Variants in RNF150 observed in about 807,000 individuals in gnomAD.
RNF150 encodes ring finger protein 150.
A neutral mutation model predicts 39.3 loss-of-function variants in RNF150; 24 were observed. The ratio of observed to expected loss-of-function variants is 0.61; its 90% CI spans 0.44 to 0.86. The LOEUF (loss-of-function observed/expected upper bound fraction) is 0.86, where lower values mean the gene tolerates loss of function less well. Ranked by LOEUF, RNF150 falls within the 40% of genes least tolerant of loss-of-function variation. The pLI is 0.00. For synonymous variants in RNF150, 255 were observed against 227.3 expected (o/e 1.12, Z -1.10); for missense variants, 502 against 587.8 (o/e 0.85, Z 1.51).
chr4:141,057,116 T>C (rs980419053), intron 1 of RNF150, among the ~76,000 whole-genome samples: 1 of 152,066 alleles, frequency 6.6e-6, no homozygotes, highest in Non-Finnish European at 1.5e-5. Flanking sequence ...AAGCATAAAC[T>C]GGTGTACCAT....
At chr4:140,962,480 T>TCACA (rs564271304) in intron 2 of RNF150, among the ~76,000 whole-genome samples, 1 of 147,688 alleles carries the variant, frequency 6.8e-6, no homozygotes. Flanking sequence ...TATGTATATC[T>TCACA]CACACACACA....
chr4:141,021,218 G>T (rs1369587077), intron 1 of RNF150, among the ~76,000 whole-genome samples: 1 of 152,102 alleles, frequency 6.6e-6, no homozygotes, highest in Non-Finnish European at 1.5e-5. Flanking sequence ...TCAAGCAGGG[G>T]ATTCTGGCTA....
Position 141,000,707 on chromosome 4 carries a change from G to A in RNF150, c.485-32834C>T, listed in dbSNP as rs1734632525. Among the ~76,000 whole-genome samples, 4 of 152,158 alleles carry A rather than the reference G, an allele frequency of 2.6e-5. No individual in the cohort carries two copies. In the South Asian group the frequency reaches 6.2e-4, roughly 24 times the overall value. On this transcript the variant is annotated intron_variant, in intron 1 of 6. Transcript: ENST00000515673. ...ACTTAGGTCAAAGCAGAGGTAATGG[G>A]ATTCGTTATAAATGTGTCTCCTCAC...
At chr4:141,041,420 A>C (rs1736368210) in intron 1 of RNF150, among the ~76,000 whole-genome samples, 1 of 152,142 alleles carries the variant, frequency 6.6e-6, no homozygotes, top group Non-Finnish European at 1.5e-5. Flanking sequence ...ACAACCATCC[A>C]TGAAAACAAA....
At chr4:141,190,330 T>C (rs1216618866) in intron 1 of RNF150, among the ~76,000 whole-genome samples, 1 of 152,212 alleles carries the variant, frequency 6.6e-6, no homozygotes, top group African/African-American at 2.4e-5. Context: ...GGAGATTATC[T>C]GGGTGAGTCT....
At position 141,132,225 on chromosome 4, in the gene RNF150, G is replaced by T; in HGVS notation, c.484+100C>A. The T allele has an allele frequency of 2.4e-6, 3 of 1,275,494 alleles. No homozygotes were observed. Among genetic ancestry groups the T allele is most frequent in the Non-Finnish European group, 3.3e-6 (3 of 922,660 alleles). The allele number at this position is 1,275,494 out of a possible 1,614,324, so 79.0% of individuals were successfully genotyped here. On this transcript the variant is annotated intron_variant, in intron 1 of 6. Coordinates refer to ENST00000515673, the MANE Select transcript of RNF150 (RefSeq NM_020724.2). The surrounding 1 kb of genome is among the most constrained non-coding windows in gnomAD (Gnocchi z 4.9). Reference sequence around the variant, plus strand: ...GGAACCCAGACACGTCTTCCGCGCCGCACGGACTTCCCAGAAGGAGCCTGG... The same window carrying T: ...GGAACCCAGACACGTCTTCCGCGCCTCACGGACTTCCCAGAAGGAGCCTGG...
Position 141,159,950 on chromosome 4 carries a change from T to G in RNF150, c.-6+52844A>C, listed in dbSNP as rs1386654560. ...AACTCCCTACTTTTGTCTGTTACAA[T>G]TCGCAACAATTGTGATAATTTTGCA... On this transcript the variant is annotated intron_variant, in intron 1 of 7. Transcript: ENST00000420921. Among the ~76,000 whole-genome samples the G allele has an allele frequency of 2.6e-5, 4 of 152,110 alleles. No homozygotes were observed. The South Asian group carries it at 8.3e-4, about 32-fold the overall frequency.
intron 1 of RNF150, among the ~76,000 whole-genome samples, chr4:141,073,360 G>T (rs1466591608): frequency 6.6e-6 from 1 of 152,070 alleles, no homozygotes; most frequent in Non-Finnish European, 1.5e-5. Context: ...CAAAACAAAG[G>T]TTTCAGCACA....
intron 4 of RNF150, among the ~76,000 whole-genome samples, chr4:140,936,798 C>T (rs1019075385): frequency 2.0e-5 from 3 of 152,064 alleles, no homozygotes; most frequent in Non-Finnish European, 4.4e-5. Flanking sequence ...AAACATCTTA[C>T]AATCAATGAC....
chr4:141,104,166 T>C (rs1739117323), intron 1 of RNF150, among the ~76,000 whole-genome samples: 2 of 152,188 alleles, frequency 1.3e-5, no homozygotes, highest in South Asian at 4.1e-4. Flanking sequence ...CCCAAAGCCC[T>C]GTGGAGAATG....
intron 2 of RNF150, among the ~76,000 whole-genome samples, chr4:140,967,369 GT>G (rs1733286130): frequency 6.6e-6 from 1 of 151,790 alleles, no homozygotes; most frequent in Non-Finnish European, 1.5e-5. Context: ...CCCTCATTAT[GT>G]GGATAAACAA....
chr4:140,950,675 C>A (rs1379781587), intron 2 of RNF150, among the ~76,000 whole-genome samples: 1 of 152,200 alleles, frequency 6.6e-6, no homozygotes, highest in African/African-American at 2.4e-5. Flanking sequence ...GTCTGGCTAG[C>A]CAGCTAACCA....
intron 6 of RNF150, among the ~76,000 whole-genome samples, chr4:140,902,570 A>G (rs937835446): frequency 6.6e-6 from 1 of 151,844 alleles, no homozygotes; most frequent in Non-Finnish European, 1.5e-5. Flanking sequence ...GTTTTTCCTT[A>G]TTTTTTAAAT....
chr4:140,994,380 T>G (rs934814283), intron 1 of RNF150, among the ~76,000 whole-genome samples: 1 of 152,222 alleles, frequency 6.6e-6, no homozygotes, highest in Non-Finnish European at 1.5e-5. Context: ...TATCTGACCA[T>G]GAGCACAGGT....
In RNF150 at chr4:140,949,361, C is replaced by T. The variant is rs1732451893; in HGVS notation, c.747G>A (p.Gly249=). Residue 249 remains glycine, a synonymous_variant, in exon 3 of 7, where the codon GGG becomes GGA. Coordinates refer to ENST00000515673, the MANE Select transcript of RNF150 (RefSeq NM_020724.2). Reference sequence around the variant, plus strand: ...TGCTGATGGCTTTCTTTGCTGCATCCCCCAGTCGGCGCTGAAAAGCCAAAA... The same window carrying T: ...TGCTGATGGCTTTCTTTGCTGCATCTCCCAGTCGGCGCTGAAAAGCCAAAA... ...NARDRNQRRL[G]DAAKKAISKL... is the part of the protein sequence containing the mutation. 1.9e-6 allele frequency: 3 copies of T among 1,612,848 alleles called. No individual in the cohort carries two copies. The highest frequency in any genetic ancestry group is 2.7e-5 in the African/African-American group (2 of 75,000).
At chr4:141,076,622 T>C (rs1393486329) in intron 1 of RNF150, among the ~76,000 whole-genome samples, 2 of 151,702 alleles carry the variant, frequency 1.3e-5, no homozygotes, top group Admixed American at 6.6e-5. Flanking sequence ...TAGATCCTGA[T>C]TTTCCTCCAT....
chr4:141,187,649 T>C (rs151031128), intron 1 of RNF150, among the ~76,000 whole-genome samples: 7,502 of 152,290 alleles, frequency 0.049, 238 homozygotes, highest in Admixed American at 0.075. Context: ...TTAAAGTCTG[T>C]TTTATTGGAG....
At chr4:141,201,096 C>CACATGAATTA in intron 1 of RNF150, among the ~76,000 whole-genome samples, 1 of 77,694 alleles carries the variant, frequency 1.3e-5, no homozygotes, top group African/African-American at 6.5e-5. Context: ...TATTTCAGAT[C>CACATGAATTA]TTTACCAATC....
intron 1 of RNF150, among the ~76,000 whole-genome samples, chr4:141,078,963 G>A (rs1243079883): frequency 6.7e-6 from 1 of 150,000 alleles, no homozygotes; most frequent in Non-Finnish European, 1.5e-5. Context: ...ACATATATAT[G>A]TTTATAAGAA....
Sources: allele counts gnomAD v4.1 joint callset (sites outside exome capture counted in the v4.1 genomes callset), GRCh38; gene constraint gnomAD v4.1.1; non-coding constraint Gnocchi (gnomAD v3.1); transcripts MANE v1.5; gene names NCBI Gene and HGNC (gene_info 2026-07-23, HGNC 2026-07-21).